Variants in RSPO2 observed in about 807,000 individuals in gnomAD.
The protein encoded by RSPO2 is R-spondin-2.
RSPO2 carries 14 observed loss-of-function variants against 30.9 expected under a neutral mutation model. The observed-to-expected ratio is 0.45, with a 90% CI of 0.30 to 0.71. The LOEUF (loss-of-function observed/expected upper bound fraction) is 0.71. Among genes scored for constraint, RSPO2 ranks in the 30% least tolerant of loss-of-function variants. RSPO2 has a pLI of 0.08. For missense variants in RSPO2, 264 were observed against 301.9 expected (o/e 0.87, Z 0.93); for synonymous variants, 107 against 96.4 (o/e 1.11, Z -0.64).
chr8:108,082,484 T>G, intron 2 of RSPO2, 61 bp downstream of exon 2: 1 of 1,326,292 alleles, frequency 7.5e-7, no homozygotes, highest in Non-Finnish European at 1.1e-6. Context: ...AGGGCGTGAG[T>G]GAGCGCCTCC....
intron 2 of RSPO2, among the ~76,000 whole-genome samples, chr8:108,019,457 T>C (rs1810992228): frequency 6.6e-6 from 1 of 152,160 alleles, no homozygotes; most frequent in Non-Finnish European, 1.5e-5. Flanking sequence ...TCTGATCTTC[T>C]GCAAAGCTGA....
intron 5 of RSPO2, among the ~76,000 whole-genome samples, chr8:107,914,475 AT>A (rs1483486200): frequency 6.6e-6 from 1 of 151,946 alleles, no homozygotes; most frequent in Non-Finnish European, 1.5e-5. Context: ...AAAAAAAAAA[AT>A]ACCTTTTAAC....
chr8:107,927,386 A>G (rs1201401728), intron 5 of RSPO2, among the ~76,000 whole-genome samples: 1 of 152,086 alleles, frequency 6.6e-6, no homozygotes, highest in Non-Finnish European at 1.5e-5. Context: ...AATACCCTTT[A>G]TTTCTTTCTC....
intron 3 of RSPO2, among the ~76,000 whole-genome samples, chr8:107,961,365 C>T (rs796578277): frequency 2.0e-5 from 3 of 152,246 alleles, no homozygotes; most frequent in African/African-American, 7.2e-5. Context: ...TTGTTGAAAA[C>T]CTACAATGTA....
chr8:107,929,968 T>A (rs912590338), intron 5 of RSPO2, among the ~76,000 whole-genome samples: 25 of 152,186 alleles, frequency 1.6e-4, no homozygotes, highest in Admixed American at 2.0e-4. Context: ...CTACTTAGTT[T>A]AAGATTTTCA....
At chr8:107,986,654 A>ACAT (rs1814645823) in intron 3 of RSPO2, among the ~76,000 whole-genome samples, 1 of 152,176 alleles carries the variant, frequency 6.6e-6, no homozygotes, top group African/African-American at 2.4e-5. Flanking sequence ...CCAGTGTCCC[A>ACAT]CATTGAGTAA....
chr8:108,037,041 C>A (rs565372433), intron 2 of RSPO2, among the ~76,000 whole-genome samples: 1 of 152,250 alleles, frequency 6.6e-6, no homozygotes, highest in Non-Finnish European at 1.5e-5. Context: ...GAAATTAAGA[C>A]AATTAGTAAC....
At position 108,023,693 on chromosome 8, in the gene RSPO2, TG is replaced by T. The variant is rs1403045079; in HGVS notation, c.95-34450del. On this transcript the variant is annotated intron_variant, in intron 2 of 5. Coordinates refer to ENST00000276659, the MANE Select transcript of RSPO2 (RefSeq NM_178565.5). ...GGCTCTACTCATAAATAGGACACTC[TG>T]TTATGGCCACAGGTAATAGATATTA... 2.0e-5 allele frequency among the ~76,000 whole-genome samples: 3 copies of T among 152,156 alleles called. No individual in the cohort carries two copies. The East Asian group carries it at 5.8e-4, about 29-fold the overall frequency.
At chr8:107,952,017 G>T (rs538344160) in intron 5 of RSPO2, among the ~76,000 whole-genome samples, 26 of 152,090 alleles carry the variant, frequency 1.7e-4, no homozygotes, top group African/African-American at 6.0e-4. Flanking sequence ...CCATCACCAG[G>T]TGCCAGTGGT....
At chr8:108,008,910 G>T (rs1810598675) in intron 2 of RSPO2, among the ~76,000 whole-genome samples, 2 of 151,574 alleles carry the variant, frequency 1.3e-5, no homozygotes, top group Admixed American at 6.6e-5. Context: ...TTTGTATAAA[G>T]AATATTGGCA....
intron 2 of RSPO2, among the ~76,000 whole-genome samples, chr8:108,003,739 T>C (rs915108056): frequency 6.6e-6 from 1 of 152,098 alleles, no homozygotes; most frequent in Admixed American, 6.5e-5. Flanking sequence ...TTTTCACACT[T>C]TTTGAAAGTA....
At chr8:108,074,054 A>T (rs987630416) in intron 2 of RSPO2, among the ~76,000 whole-genome samples, 1 of 152,194 alleles carries the variant, frequency 6.6e-6, no homozygotes, top group Non-Finnish European at 1.5e-5. Flanking sequence ...CACCACAAAA[A>T]GCAACAGAAA....
intron 3 of RSPO2, among the ~76,000 whole-genome samples, chr8:107,965,651 T>C (rs865928688): frequency 6.6e-6 from 1 of 152,060 alleles, no homozygotes; most frequent in South Asian, 2.1e-4. Flanking sequence ...TTTTTTTTTT[T>C]CCAATCTGTG....
intron 3 of RSPO2, among the ~76,000 whole-genome samples, chr8:107,980,136 T>C (rs1814372803): frequency 6.6e-6 from 1 of 152,114 alleles, no homozygotes; most frequent in Admixed American, 6.5e-5. Context: ...GACTCACCCA[T>C]CTCCAAGGGC....
chr8:108,026,260 G>GA (rs200638322), intron 2 of RSPO2, among the ~76,000 whole-genome samples: 2,773 of 152,246 alleles, frequency 0.018, 45 homozygotes, highest in South Asian at 0.065. Context: ...AATGGCTGAA[G>GA]AATTGGTCCA....
intron 3 of RSPO2, among the ~76,000 whole-genome samples, chr8:107,973,187 G>A (rs866167768): frequency 8.6e-5 from 13 of 151,582 alleles, no homozygotes; most frequent in South Asian, 4.2e-4. Flanking sequence ...GGAGTATGGC[G>A]TGAACCCGGG....
intron 2 of RSPO2, among the ~76,000 whole-genome samples, chr8:108,043,332 A>C (rs182166879): frequency 6.6e-6 from 1 of 152,140 alleles, no homozygotes; most frequent in East Asian, 1.9e-4. Context: ...CAGAGAGATA[A>C]AAGCAGGAAC....
At chr8:108,072,492 ATT>A (rs71308776) in intron 2 of RSPO2, among the ~76,000 whole-genome samples, 77 of 122,606 alleles carry the variant, frequency 6.3e-4, no homozygotes, top group Admixed American at 7.6e-4. Context: ...AGCCCGGCTA[ATT>A]TTTTTTTTTT....
Position 108,026,683 on chromosome 8 carries a change from A to G in RSPO2, c.95-37439T>C, listed in dbSNP as rs532175658. Among the ~76,000 whole-genome samples the G allele has an allele frequency of 7.9e-5, 12 of 152,232 alleles. No homozygotes were observed. The East Asian group carries it at 2.3e-3, about 29-fold the overall frequency. ...GGAGTTTGAGAACAGCCTGGCCAAT[A>G]TGTTGAAACCCCATGTCTACTAAAA... On this transcript the variant is annotated intron_variant, in intron 2 of 5. Transcript: ENST00000276659.
Sources: allele counts gnomAD v4.1 joint callset (sites outside exome capture counted in the v4.1 genomes callset), GRCh38; gene constraint gnomAD v4.1.1; transcripts MANE v1.5; gene names NCBI Gene and HGNC (gene_info 2026-07-23, HGNC 2026-07-21).